The following CHST8 variants were observed in gnomAD, a reference collection of about 807,000 sequenced individuals.
CHST8 encodes the protein carbohydrate sulfotransferase 8, also known as GALNAC-4-ST1.
CHST8 carries 10 observed loss-of-function variants against 15.0 expected under a neutral mutation model. The ratio of observed to expected loss-of-function variants is 0.67; its 90% CI spans 0.41 to 1.13. CHST8 has a LOEUF of 1.13. CHST8 is among the 50% of genes most tolerant of loss of function. The pLI is 0.00. For missense variants in CHST8, 634 were observed against 608.2 expected (o/e 1.04, Z -0.45); for synonymous variants, 259 against 256.6 (o/e 1.01, Z -0.09).
chr19:33,718,836 C>T (rs1485216783), intron 3 of CHST8, among the ~76,000 whole-genome samples: 1 of 152,176 alleles, frequency 6.6e-6, no homozygotes. Flanking sequence ...GGAGAGGTCA[C>T]GGTCCCCTAG....
chr19:33,731,991 T>C (rs2145326950), intron 3 of CHST8, among the ~76,000 whole-genome samples: 1 of 152,280 alleles, frequency 6.6e-6, no homozygotes, highest in East Asian at 1.9e-4. Flanking sequence ...AGGGAGTCCC[T>C]TAATCCACAC....
intron 2 of CHST8, among the ~76,000 whole-genome samples, chr19:33,670,872 A>C (rs1972728161): frequency 6.6e-6 from 1 of 152,134 alleles, no homozygotes; most frequent in Non-Finnish European, 1.5e-5. Context: ...TTGTCCTCGT[A>C]ATAATCTTGC....
chr19:33,698,761 T>C lies in CHST8; in HGVS notation c.130+9370T>C, dbSNP rs537474727. Reference sequence around the variant, plus strand: ...CTTGGCAGGGTGTGTGGAGTCTCCCTGTAGCTCCTCCACCGAGGGGTGTCC... The same window carrying C: ...CTTGGCAGGGTGTGTGGAGTCTCCCCGTAGCTCCTCCACCGAGGGGTGTCC... On this transcript the variant is annotated intron_variant, in intron 3 of 4. Coordinates refer to ENST00000650847, the MANE Select transcript of CHST8 (RefSeq NM_001127895.2). Among the ~76,000 whole-genome samples, 6 of 152,200 alleles carry C rather than the reference T, an allele frequency of 3.9e-5. No individual in the cohort carries two copies. In the East Asian group the frequency reaches 1.2e-3, roughly 30 times the overall value.
chr19:33,715,682 C>G (rs150582050), intron 3 of CHST8, among the ~76,000 whole-genome samples: 99 of 152,338 alleles, frequency 6.5e-4, no homozygotes, highest in South Asian at 4.6e-3. Context: ...GCTGGGCTAG[C>G]TGGCCTTGGG....
chr19:33,681,444 A>G (rs1972887796), intron 2 of CHST8, among the ~76,000 whole-genome samples: 1 of 152,146 alleles, frequency 6.6e-6, no homozygotes, highest in East Asian at 1.9e-4. Context: ...AACAGGGATA[A>G]CTGTTCCTTC....
chr19:33,689,265 AC>A lies in CHST8; in HGVS notation c.7del (p.Leu3CysfsTer43). On this transcript the variant is annotated frameshift_variant, in exon 3 of 5. Transcript: ENST00000650847. LOFTEE classifies it high-confidence loss of function. M[T>X]LRPGTMRLAC... ...GTGACCCCTGAGCCAGCCCCGGATG[AC>A]CCTGCGACCTGGAACAATGCGGCTG... 6.3e-7 allele frequency: 1 copy of A among 1,586,282 alleles called. No homozygotes were observed.
intron 1 of CHST8, among the ~76,000 whole-genome samples, chr19:33,639,086 C>CAAAAAAAAAAAAAAAA (rs34970478): frequency 1.5e-5 from 1 of 64,674 alleles, no homozygotes; most frequent in African/African-American, 6.5e-5. Context: ...TGATCCTGAC[C>CAAAAAAAAAAAAAAAA]AAAAAAAAAA....
intron 3 of CHST8, among the ~76,000 whole-genome samples, chr19:33,741,891 C>T (rs531463823): frequency 2.6e-5 from 4 of 152,140 alleles, no homozygotes; most frequent in East Asian, 3.9e-4. Context: ...TCTATCTATT[C>T]GGATTATACA....
Position 33,772,953 on chromosome 19 carries a change from C to T in CHST8, c.1165C>T (p.His389Tyr). 2 of 1,613,624 alleles carry T rather than the reference C, an allele frequency of 1.2e-6. No homozygotes were observed. The highest frequency in any genetic ancestry group is 1.7e-6 in the Non-Finnish European group (2 of 1,180,034). Residue 389 changes from histidine to tyrosine, a missense_variant, in exon 5 of 5, where the codon CAC becomes TAC. Physicochemically the swap from His to Tyr is moderately conservative, Grantham distance 83 (BLOSUM62 2). Transcript: ENST00000650847. Reference protein sequence around the residue: ...QEARTTARIAHQYFAQLSALQ... With the variant: ...QEARTTARIAYQYFAQLSALQ... The stretch of plus-strand genomic sequence containing the variant: ...GGCGCGGACCACAGCGAGGATCGCC[C>T]ACCAGTACTTCGCCCAACTCTCGGC...
At chr19:33,769,514 G>A (rs1200806164) in intron 3 of CHST8, among the ~76,000 whole-genome samples, 1 of 152,164 alleles carries the variant, frequency 6.6e-6, no homozygotes, top group African/African-American at 2.4e-5. Context: ...CCCTTCTAGT[G>A]AAGGGAGCTG....
intron 3 of CHST8, among the ~76,000 whole-genome samples, chr19:33,757,399 AAAG>A (rs1390303294): frequency 7.9e-4 from 4 of 5,044 alleles, no homozygotes; most frequent in East Asian, 0.016. Context: ...AGAAAGAAAG[AAAG>A]AAAGAAAGAA....
Position 33,773,189 on chromosome 19 carries a change from T to G in CHST8, c.*126T>G, listed in dbSNP as rs936317197. 1 of 1,165,396 alleles carries G rather than the reference T, an allele frequency of 8.6e-7. No homozygotes were observed. The allele number at this position is 1,165,396 out of a possible 1,614,324, so 72.2% of individuals were successfully genotyped here. ...CTGAGGACGTGAGGAGCCATCGCTG[T>G]GGGAGGCAGCAGGCCCCGGGTGGGG... On this transcript the variant is annotated 3_prime_UTR_variant, in exon 5 of 5. Coordinates refer to ENST00000650847, the MANE Select transcript of CHST8 (RefSeq NM_001127895.2).
At chr19:33,771,656 T>C (rs1974985177) in intron 4 of CHST8, among the ~76,000 whole-genome samples, 1 of 152,040 alleles carries the variant, frequency 6.6e-6, no homozygotes, top group Admixed American at 6.5e-5. Flanking sequence ...TGCACGGTGC[T>C]AATAGAGGCC....
intron 3 of CHST8, among the ~76,000 whole-genome samples, chr19:33,689,860 G>A (rs1973064359): frequency 6.6e-6 from 1 of 151,992 alleles, no homozygotes; most frequent in African/African-American, 2.4e-5. Context: ...GGTTTAGTGA[G>A]GCCAAGACCC....
chr19:33,744,710 G>A (rs1019816785), intron 3 of CHST8, among the ~76,000 whole-genome samples: 3 of 151,914 alleles, frequency 2.0e-5, no homozygotes, highest in Non-Finnish European at 2.9e-5. Context: ...AACCACAGGT[G>A]TGCACCACAA....
At chr19:33,635,094 TC>T (rs949439415) in intron 1 of CHST8, among the ~76,000 whole-genome samples, 18 of 151,994 alleles carry the variant, frequency 1.2e-4, no homozygotes, top group African/African-American at 4.4e-4. Context: ...AGCCCCCTGA[TC>T]CCCCGAAAAG....
intron 3 of CHST8, among the ~76,000 whole-genome samples, chr19:33,764,103 GCC>G (rs953722588): frequency 5.9e-5 from 9 of 152,176 alleles, no homozygotes; most frequent in African/African-American, 2.2e-4. Context: ...AGAACCCTGG[GCC>G]CAGCTTCTGG....
chr19:33,647,794 C>T (rs1011072879), intron 1 of CHST8, among the ~76,000 whole-genome samples: 7 of 151,562 alleles, frequency 4.6e-5, no homozygotes, highest in East Asian at 1.9e-4. Context: ...TGCAGTGAGC[C>T]GAGATCATGC....
intron 1 of CHST8, among the ~76,000 whole-genome samples, chr19:33,650,524 T>A (rs1600237036): frequency 9.4e-6 from 1 of 106,630 alleles, no homozygotes; most frequent in East Asian, 2.9e-4. Context: ...TTTTCTTTTT[T>A]TTTTTTTTTT....
Sources: gnomAD v4.1 joint callset for allele counts (sites outside exome capture counted in the v4.1 genomes callset) on GRCh38, gnomAD v4.1.1 for gene constraint, MANE v1.5 for transcripts, NCBI Gene and HGNC (gene_info 2026-07-23, HGNC 2026-07-21) for gene names.